The following KANK1 variants were observed in gnomAD, a reference collection of about 807,000 sequenced individuals.
The protein encoded by KANK1 is KN motif and ankyrin repeat domain-containing protein 1.
Under a neutral mutation model 106.2 loss-of-function variants are expected in KANK1, and 109 were observed. The observed-to-expected ratio is 1.03, with a 90% CI of 0.88 to 1.20. The LOEUF (loss-of-function observed/expected upper bound fraction) is 1.20, where lower values mean the gene tolerates loss of function less well. KANK1 is among the 50% of genes most tolerant of loss of function. KANK1 has a pLI of 0.00. For synonymous variants in KANK1, 873 were observed against 652.2 expected, an observed-to-expected ratio of 1.34 and a Z score of -5.16; for missense variants, 2,399 against 1,710.7, an observed-to-expected ratio of 1.40 and a Z score of -7.10.
Position 686,350 on chromosome 9 carries a change from G to A in KANK1, c.37+9341G>A, listed in dbSNP as rs552058683. On this transcript the variant is annotated intron_variant, in intron 2 of 11. Transcript: ENST00000382297. ...GTTTGGCATGTTCCCCCTCAGCTGT[G>A]AGGACAAAGACTGGTTTGTCTTCTT... Among the ~76,000 whole-genome samples, 3 of 152,302 alleles carry A rather than the reference G, an allele frequency of 2.0e-5. No homozygotes were observed. In the East Asian group the frequency reaches 5.8e-4, roughly 29 times the overall value.
chr9:569,852 G>A (rs1818730021), intron 1 of KANK1, among the ~76,000 whole-genome samples: 3 of 149,944 alleles, frequency 2.0e-5, no homozygotes, highest in Admixed American at 2.0e-4. Flanking sequence ...ATTTCAATAT[G>A]TAGTTCACTT....
intron 1 of KANK1, among the ~76,000 whole-genome samples, chr9:600,804 T>G (rs57643566): frequency 0.053 from 8,097 of 151,862 alleles, 721 homozygotes; most frequent in East Asian, 0.24. Flanking sequence ...AGTGTTCGCT[T>G]CTTTTGCACT....
chr9:734,716 G>T lies in KANK1; in HGVS notation c.3246-32G>T. 3.5e-6 allele frequency: 5 copies of T among 1,436,294 alleles called. No individual in the cohort carries two copies. In the South Asian group the frequency reaches 4.6e-5, roughly 13 times the overall value. 89.0% of individuals were successfully genotyped at this position (1,436,294 alleles called of 1,614,324 possible). ...GAAATAAAAATGATTTTCTTCTTGT[G>T]ACCAATCGTAACTTGTTTTTTCTCC... On this transcript the variant is annotated intron_variant, in intron 6 of 11. Transcript: ENST00000382297.
rs1030107437 is a variant in KANK1 at position 740,646 on chromosome 9, A to C, written c.3554-146A>C. ...GGTTTAGTATGAAAACATCTCTCACATTTCCTTCTAAGTCACTCTTGGTCT... is the reference window on the plus strand; with the variant it reads ...GGTTTAGTATGAAAACATCTCTCACCTTTCCTTCTAAGTCACTCTTGGTCT... On this transcript the variant is annotated intron_variant, in intron 8 of 11. Transcript: ENST00000382297. The C allele has an allele frequency of 5.7e-6, 5 of 882,534 alleles. No individual in the cohort carries two copies. The African/African-American group carries it at 8.5e-5, about 15-fold the overall frequency. 54.7% of individuals were successfully genotyped at this position (882,534 alleles called of 1,614,324 possible).
chr9:680,266 A>T (rs1017894532), intron 2 of KANK1, among the ~76,000 whole-genome samples: 4 of 152,124 alleles, frequency 2.6e-5, no homozygotes, highest in Admixed American at 2.6e-4. Flanking sequence ...GGAAAGGGCA[A>T]ACCATGCCCT....
chr9:723,460 T>G (rs957766467), intron 3 of KANK1, among the ~76,000 whole-genome samples: 2 of 151,968 alleles, frequency 1.3e-5, no homozygotes, highest in Non-Finnish European at 2.9e-5. Context: ...ACACTTAAAA[T>G]CAGTGCATTT....
Position 730,001 on chromosome 9 carries a change from C to G in KANK1, c.2699-50C>G, listed in dbSNP as rs781337066. ...CAAGAATTGTTTTTGTTGAAGCCTG[C>G]TTTTTCAGTCCTAGCATCACACACT... On this transcript the variant is annotated intron_variant, in intron 3 of 11. Transcript: ENST00000382297. The G allele has an allele frequency of 6.1e-5, 92 of 1,510,198 alleles. No individual in the cohort carries two copies. In the Admixed American group the frequency reaches 1.7e-3, roughly 28 times the overall value. 93.5% of individuals were successfully genotyped at this position (1,510,198 alleles called of 1,614,324 possible). A position where few individuals can be genotyped will look rare whatever the true frequency, so the allele number is the denominator to read the frequency against.
At chr9:514,183 TCTCC>T (rs2059169236) in intron 1 of KANK1, among the ~76,000 whole-genome samples, 1 of 27,758 alleles carries the variant, frequency 3.6e-5, no homozygotes, top group Non-Finnish European at 5.5e-5. Flanking sequence ...TCCCTTCCTC[TCTCC>T]CTCCCTTCCT....
intron 1 of KANK1, among the ~76,000 whole-genome samples, chr9:642,258 GTC>G (rs1166244359): frequency 2.1e-5 from 3 of 144,248 alleles, no homozygotes; most frequent in Admixed American, 2.0e-4. Flanking sequence ...GAATAAATGA[GTC>G]TGCAGAAAAC....
rs759067359 is a variant in KANK1, at chr9:732,380, A to G, written c.3008A>G (p.Tyr1003Cys). The change falls in exon 6 of 12, where the codon TAT (tyrosine) becomes TGT (cysteine). Residue 1003 changes from tyrosine (Y) to cysteine (C), a missense_variant and splice_region_variant. Physicochemically the swap from Tyr to Cys is radical, Grantham distance 194. Transcript: ENST00000382297. ...CTGAAATCCCAATTGCCACCTAGGT[A>G]TGAAACAACTTCAAGTGATGATTCC... ...NLQFVGINGG[Y>C]ETTSSDDSSS... 1.2e-6 allele frequency: 2 copies of G among 1,608,656 alleles called. No individual in the cohort carries two copies. Among genetic ancestry groups the G allele is most frequent in the South Asian group, 1.1e-5 (1 of 90,928 alleles).
rs758191942 is a variant in KANK1 at position 710,956 on chromosome 9, C to T, written c.190C>T (p.Gln64Ter). Residue 64 changes from glutamine to a stop codon, truncating the protein, a stop_gained, in exon 3 of 12, where the codon CAG becomes TAG. Coordinates refer to ENST00000382297, the MANE Select transcript of KANK1 (RefSeq NM_015158.5). LOFTEE classifies it high-confidence loss of function. ...KGNTIKRLNI[Q>*]KRRKPSVPCP... ...AAATACCATCAAAAGACTGAACATC[C>T]AGAAGAGGCGGAAGCCGTCCGTGCC... 3 of 1,614,140 alleles carry T rather than the reference C, an allele frequency of 1.9e-6. No homozygotes were observed. The Admixed American group carries it at 5.0e-5, about 27-fold the overall frequency.
chr9:514,696 C>A (rs60919895), intron 1 of KANK1, among the ~76,000 whole-genome samples: 34,755 of 151,288 alleles, frequency 0.23, 6,025 homozygotes, highest in African/African-American at 0.46. Context: ...ATCCTGTTGT[C>A]CATGAACGTT....
intron 1 of KANK1, among the ~76,000 whole-genome samples, chr9:638,701 T>A (rs1837694463): frequency 6.6e-6 from 1 of 152,218 alleles, no homozygotes; most frequent in Non-Finnish European, 1.5e-5. Flanking sequence ...CATAAACTTG[T>A]TAAATTTGCG....
chr9:599,022 T>A (rs1827044418), intron 1 of KANK1, among the ~76,000 whole-genome samples: 1 of 64,196 alleles, frequency 1.6e-5, no homozygotes, highest in Admixed American at 1.3e-4. Flanking sequence ...TTATTATTAT[T>A]TTTTTTTTTT....
chr9:581,721 G>A (rs954138912), intron 1 of KANK1, among the ~76,000 whole-genome samples: 2 of 152,110 alleles, frequency 1.3e-5, no homozygotes, highest in East Asian at 1.9e-4. Flanking sequence ...CCAGAGTTGT[G>A]CCAAGGTTCC....
At chr9:491,153 C>G (rs112932196) in intron 3 of KANK1, among the ~76,000 whole-genome samples, 2,586 of 152,066 alleles carry the variant, frequency 0.017, 81 homozygotes, top group African/African-American at 0.058. Flanking sequence ...TAGAGATGTG[C>G]TCTTGCCATG....
Position 713,248 on chromosome 9 carries a change from G to A in KANK1, c.2482G>A (p.Glu828Lys). 6.2e-7 allele frequency: 1 copy of A among 1,609,572 alleles called. No individual in the cohort carries two copies. The highest frequency in any genetic ancestry group is 1.1e-5 in the South Asian group (1 of 89,860). ...GMMTGLDHYI[E>K]RIQKLLAEQQ... Reference sequence around the variant, plus strand: ...GATGACTGGCCTGGATCACTACATTGAGCGTATCCAGAAGCTGCTGGCAGA... The same window carrying A: ...GATGACTGGCCTGGATCACTACATTAAGCGTATCCAGAAGCTGCTGGCAGA... Residue 828 changes from glutamate (E) to lysine (K), a missense_variant, in exon 3 of 12, where the codon GAG becomes AAG. Coordinates refer to ENST00000382297, the MANE Select transcript of KANK1 (RefSeq NM_015158.5).
intron 1 of KANK1, among the ~76,000 whole-genome samples, chr9:550,260 C>G (rs904995349): frequency 3.3e-5 from 5 of 151,524 alleles, no homozygotes; most frequent in Non-Finnish European, 7.4e-5. Flanking sequence ...ATTGGTAATT[C>G]TAAAGCTCCA....
At chr9:517,821 C>G (rs117846768) in intron 1 of KANK1, among the ~76,000 whole-genome samples, 7,259 of 150,222 alleles carry the variant, frequency 0.048, 231 homozygotes, top group Non-Finnish European at 0.068. Flanking sequence ...TCACTGGACC[C>G]TCCGCCTCCC....
Sources: gnomAD v4.1 joint callset for allele counts (sites outside exome capture counted in the v4.1 genomes callset) on GRCh38, gnomAD v4.1.1 for gene constraint, MANE v1.5 for transcripts, NCBI Gene and HGNC (gene_info 2026-07-23, HGNC 2026-07-21) for gene names.